Variants in NRG3 observed in about 807,000 individuals in gnomAD.
NRG3 encodes the protein neuregulin 3, also known as pro-neuregulin-3, membrane-bound isoform.
Under a neutral mutation model 66.9 loss-of-function variants are expected in NRG3, and 31 were observed. The observed-to-expected ratio is 0.46, with a 90% CI of 0.35 to 0.63. The LOEUF is 0.63. NRG3 is among the 20% of genes least tolerant of loss of function. NRG3 has a pLI of 0.00. For synonymous variants in NRG3, 393 were observed against 359.4 expected (o/e 1.09, Z -1.06); for missense variants, 910 against 878.9 (o/e 1.04, Z -0.45).
chr10:82,366,276 G>A (rs923254946), intron 2 of NRG3, among the ~76,000 whole-genome samples: 1 of 152,110 alleles, frequency 6.6e-6, no homozygotes, highest in African/African-American at 2.4e-5. Flanking sequence ...TCTCCTTTAT[G>A]CTCATATTGA....
intron 4 of NRG3, among the ~76,000 whole-genome samples, chr10:82,940,738 G>A (rs1478573113): frequency 6.6e-6 from 1 of 151,990 alleles, no homozygotes; most frequent in African/African-American, 2.4e-5. Context: ...ATGGTAGAAG[G>A]GGCAGGGAGC....
At chr10:82,701,019 G>A (rs2055831227) in intron 2 of NRG3, among the ~76,000 whole-genome samples, 1 of 151,986 alleles carries the variant, frequency 6.6e-6, no homozygotes, top group Non-Finnish European at 1.5e-5. Flanking sequence ...TCACATATAA[G>A]AGGACAATGC....
At chr10:82,685,137 G>GC (rs147807070) in intron 2 of NRG3, among the ~76,000 whole-genome samples, 23,252 of 151,416 alleles carry the variant, frequency 0.15, 2,063 homozygotes, top group African/African-American at 0.23. Context: ...ATAGACAGAG[G>GC]CCCCCCCCAA....
At chr10:82,070,531 T>C (rs1405914722) in intron 1 of NRG3, among the ~76,000 whole-genome samples, 2 of 152,152 alleles carry the variant, frequency 1.3e-5, no homozygotes, top group South Asian at 2.1e-4. Context: ...ATAAAAATGT[T>C]AAATGTTATT....
chr10:82,865,176 C>A (rs751938040), intron 3 of NRG3, among the ~76,000 whole-genome samples: 43 of 152,128 alleles, frequency 2.8e-4, no homozygotes, highest in Non-Finnish European at 5.1e-4. Context: ...ATTAGTTCAT[C>A]TAAAATCTAA....
At chr10:82,018,503 C>T (rs370820745) in intron 1 of NRG3, among the ~76,000 whole-genome samples, 12 of 151,892 alleles carry the variant, frequency 7.9e-5, no homozygotes, top group South Asian at 4.2e-4. Flanking sequence ...GGGATGGCAT[C>T]GAATCTATAA....
At chr10:82,460,249 G>A (rs1238878293) in intron 2 of NRG3, among the ~76,000 whole-genome samples, 1 of 152,198 alleles carries the variant, frequency 6.6e-6, no homozygotes, top group Non-Finnish European at 1.5e-5. Context: ...GAGCGCTTAA[G>A]GGTTGTGCGG....
rs1222871313 is a variant in NRG3, at chr10:82,973,799, G to T, written c.1296G>T (p.Val432=). 1 of 1,614,008 alleles carries T rather than the reference G, an allele frequency of 6.2e-7. No individual in the cohort carries two copies. The highest frequency in any genetic ancestry group is 2.2e-5 in the East Asian group (1 of 44,870). The change falls in exon 7 of 9, where the codon GTG becomes GTT. Residue 432 remains valine (V), a synonymous_variant. Transcript: ENST00000372141. ...GTGATTTCCCACAGTATTCAAAGGTGGAAAGGCATCCTGTGACTGCATTGG... is the reference window on the plus strand; with the variant it reads ...GTGATTTCCCACAGTATTCAAAGGTTGAAAGGCATCCTGTGACTGCATTGG... ...SHVQLQNYSK[V]ERHPVTALEK... is the part of the protein sequence containing the mutation.
At chr10:82,160,465 T>A (rs1323692597) in intron 1 of NRG3, among the ~76,000 whole-genome samples, 2 of 151,972 alleles carry the variant, frequency 1.3e-5, no homozygotes, top group East Asian at 1.9e-4. Context: ...ACAGAGTGAA[T>A]CATAATAATG....
intron 2 of NRG3, among the ~76,000 whole-genome samples, chr10:82,615,375 AT>A (rs753352870): frequency 6.6e-5 from 10 of 152,132 alleles, no homozygotes; most frequent in Non-Finnish European, 1.3e-4. Context: ...TTATAATTGA[AT>A]TATTGTATCT....
At position 82,633,139 on chromosome 10, in the gene NRG3, C is replaced by G. The variant is rs117191333; in HGVS notation, c.954-105438C>G. ...AAGAGGTCTGGGTAAATGGAGATTTCTTTAAATTGGATGAAAATTGTTTTC... is the reference window on the plus strand; with the variant it reads ...AAGAGGTCTGGGTAAATGGAGATTTGTTTAAATTGGATGAAAATTGTTTTC... On this transcript the variant is annotated intron_variant, in intron 2 of 8. Coordinates refer to ENST00000372141, the MANE Select transcript of NRG3 (RefSeq NM_001010848.4). 8.0e-4 allele frequency among the ~76,000 whole-genome samples: 122 copies of G among 152,264 alleles called. 3 individuals carry two copies. In the East Asian group the frequency reaches 0.02, roughly 25 times the overall value.
At chr10:82,223,197 C>G (rs995058125) in intron 1 of NRG3, among the ~76,000 whole-genome samples, 11 of 152,238 alleles carry the variant, frequency 7.2e-5, no homozygotes, top group African/African-American at 2.4e-4. Context: ...AAGGGGAGAA[C>G]AGTCAGACGT....
At chr10:82,205,288 T>G (rs2075059242) in intron 1 of NRG3, among the ~76,000 whole-genome samples, 1 of 152,184 alleles carries the variant, frequency 6.6e-6, no homozygotes, top group South Asian at 2.1e-4. Context: ...ACTACAGATT[T>G]CAGTTATGTG....
chr10:82,617,566 G>A (rs575807580), intron 2 of NRG3, among the ~76,000 whole-genome samples: 2 of 152,146 alleles, frequency 1.3e-5, no homozygotes, highest in African/African-American at 2.4e-5. Flanking sequence ...GGCTCCTCTT[G>A]AATGCCCTCC....
intron 1 of NRG3, among the ~76,000 whole-genome samples, chr10:81,912,930 C>T (rs1485683108): frequency 6.6e-6 from 1 of 152,222 alleles, no homozygotes; most frequent in Non-Finnish European, 1.5e-5. Flanking sequence ...GGTCAACATT[C>T]TAAAAGCGGT....
At chr10:82,726,388 A>C (rs1374447511) in intron 2 of NRG3, among the ~76,000 whole-genome samples, 1 of 152,028 alleles carries the variant, frequency 6.6e-6, no homozygotes, top group Non-Finnish European at 1.5e-5. Context: ...CATGGGAGGG[A>C]CCCAGTGGGA....
intron 3 of NRG3, among the ~76,000 whole-genome samples, chr10:82,857,394 GA>G (rs1401969914): frequency 1.4e-4 from 21 of 152,150 alleles, no homozygotes; most frequent in African/African-American, 4.3e-4. Context: ...GTGCTTTCTA[GA>G]AAAGTGGTTT....
At chr10:81,932,821 C>G (rs1289174731) in intron 1 of NRG3, among the ~76,000 whole-genome samples, 1 of 152,052 alleles carries the variant, frequency 6.6e-6, no homozygotes, top group Non-Finnish European at 1.5e-5. Flanking sequence ...GAAATTTGTT[C>G]TTTCTGGTCA....
At chr10:82,670,620 A>G (rs2053193203) in intron 2 of NRG3, among the ~76,000 whole-genome samples, 1 of 152,174 alleles carries the variant, frequency 6.6e-6, no homozygotes, top group Non-Finnish European at 1.5e-5. Flanking sequence ...GATTTAAAGG[A>G]CATATGTAAA....
Sources: gnomAD v4.1 joint callset for allele counts (sites outside exome capture counted in the v4.1 genomes callset) on GRCh38, gnomAD v4.1.1 for gene constraint, MANE v1.5 for transcripts, NCBI Gene and HGNC (gene_info 2026-07-23, HGNC 2026-07-21) for gene names.